The following ATP2C2 variants were observed in gnomAD, a reference collection of about 807,000 sequenced individuals.
ATP2C2 encodes calcium-transporting ATPase type 2C member 2.
ATP2C2 carries 171 observed loss-of-function variants against 110.8 expected under a neutral mutation model. That is an observed-to-expected ratio of 1.54 (90% CI 1.36 to 1.75). The LOEUF (loss-of-function observed/expected upper bound fraction) is 1.75. Ranked by LOEUF, ATP2C2 falls within the 40% of genes most tolerant of loss-of-function variation. The probability of loss-of-function intolerance (pLI) is 0.00; values close to 1 mark genes in which losing one functional copy is unlikely to be tolerated. For synonymous variants in ATP2C2, 804 were observed against 508.4 expected (o/e 1.58, Z -7.82); for missense variants, 1,963 against 1,235.0 (o/e 1.59, Z -8.84).
At position 84,415,489 on chromosome 16, in the gene ATP2C2, A is replaced by G. The variant is rs917031907; in HGVS notation, c.522A>G (p.Arg174=). 3 of 1,614,036 alleles carry G rather than the reference A, an allele frequency of 1.9e-6. No homozygotes were observed. The highest frequency in any genetic ancestry group is 3.3e-5 in the Admixed American group (2 of 60,000). ...KLVPPECNCL[R]EGKLQHLLAR... The stretch of plus-strand genomic sequence containing the variant: ...TTTACCATGTCAAATGCAGCCTAAG[A>G]GAAGGAAAACTCCAGCACCTGCTTG... The change falls in exon 7 of 27, where the codon AGA becomes AGG. Residue 174 remains arginine (R), a synonymous_variant. Coordinates refer to ENST00000262429, the MANE Select transcript of ATP2C2 (RefSeq NM_014861.4).
chr16:84,404,987 C>A (rs1457443586), intron 2 of ATP2C2, 141 bp from the exon 3 acceptor site: 1 of 781,070 alleles, frequency 1.3e-6, no homozygotes, highest in Admixed American at 1.8e-5. Flanking sequence ...GGTCTTTGAA[C>A]AAGTCCCAGC....
intron 2 of ATP2C2, among the ~76,000 whole-genome samples, chr16:84,403,986 C>A (rs1905530773): frequency 6.6e-6 from 1 of 152,322 alleles, no homozygotes; most frequent in Admixed American, 6.5e-5. Flanking sequence ...CCACCAAGCC[C>A]TACCAGTTTA....
intron 1 of ATP2C2, among the ~76,000 whole-genome samples, chr16:84,377,276 G>A (rs1193545922): frequency 2.0e-5 from 3 of 152,148 alleles, no homozygotes; most frequent in African/African-American, 4.8e-5. Flanking sequence ...TATGGTAAGC[G>A]GGAGCTGGTG....
At chr16:84,451,327 T>A (rs753531399) in intron 17 of ATP2C2, among the ~76,000 whole-genome samples, 5 of 152,130 alleles carry the variant, frequency 3.3e-5, no homozygotes, top group Non-Finnish European at 7.4e-5. Flanking sequence ...GGAGCTACAG[T>A]TCAAGATGAG....
chr16:84,448,459 G>A, intron 16 of ATP2C2, 74 bp from the exon 17 acceptor site: 1 of 1,500,760 alleles, frequency 6.7e-7, no homozygotes, highest in Non-Finnish European at 9.0e-7. Context: ...GTAACCTTGT[G>A]CAGAGTGGGG....
intron 6 of ATP2C2, among the ~76,000 whole-genome samples, chr16:84,415,097 C>T (rs1906714930): frequency 6.6e-6 from 1 of 152,100 alleles, no homozygotes; most frequent in Admixed American, 6.5e-5. Flanking sequence ...AAGGCTCTGC[C>T]ATCCCTGACT....
At chr16:84,459,080 C>T (rs1910979301) in intron 21 of ATP2C2, 40 bp from the exon 22 acceptor site, 7 of 1,607,614 alleles carry the variant, frequency 4.4e-6, no homozygotes, top group Non-Finnish European at 6.0e-6. Context: ...AGCCCTCACG[C>T]AGGCCCGCTC....
intron 1 of ATP2C2, among the ~76,000 whole-genome samples, chr16:84,379,085 T>C (rs1449515903): frequency 1.3e-5 from 2 of 151,914 alleles, no homozygotes; most frequent in Non-Finnish European, 2.9e-5. Flanking sequence ...ACCCAGGAAT[T>C]ACGCCCAGCA....
chr16:84,415,156 A>C (rs1906719446), intron 6 of ATP2C2, among the ~76,000 whole-genome samples: 2 of 151,472 alleles, frequency 1.3e-5, no homozygotes, highest in South Asian at 4.2e-4. Flanking sequence ...TGAGGACAAA[A>C]CTCTGCCGGC....
chr16:84,460,415 G>A (rs1195736690), intron 23 of ATP2C2: 4 of 597,898 alleles, frequency 6.7e-6, no homozygotes, highest in South Asian at 3.8e-5. Context: ...TGGCCTTACG[G>A]GGTGGTCTTC....
chr16:84,426,291 C>G (rs1027370767), intron 11 of ATP2C2, among the ~76,000 whole-genome samples: 3 of 152,106 alleles, frequency 2.0e-5, no homozygotes, highest in Non-Finnish European at 4.4e-5. Context: ...CTCTCAGGAA[C>G]TCACTCCAGC....
intron 7 of ATP2C2, among the ~76,000 whole-genome samples, chr16:84,421,733 G>C (rs1053396809): frequency 7.2e-5 from 11 of 152,288 alleles, no homozygotes; most frequent in Admixed American, 2.0e-4. Context: ...CCACTAACTA[G>C]CTACGGAAAC....
chr16:84,405,917 C>G (rs999809626), intron 3 of ATP2C2, among the ~76,000 whole-genome samples: 2 of 152,152 alleles, frequency 1.3e-5, no homozygotes, highest in African/African-American at 4.8e-5. Flanking sequence ...GAGACCTTGT[C>G]TCCACAACAA....
At chr16:84,396,668 C>T (rs1306252947) in intron 1 of ATP2C2, among the ~76,000 whole-genome samples, 1 of 151,658 alleles carries the variant, frequency 6.6e-6, no homozygotes, top group East Asian at 1.9e-4. Context: ...CTGCCTCCAC[C>T]TGTGGTGTGC....
At chr16:84,389,741 G>A (rs1440256444) in intron 1 of ATP2C2, among the ~76,000 whole-genome samples, 16 of 120,716 alleles carry the variant, frequency 1.3e-4, no homozygotes. Context: ...TTTTTTTTGA[G>A]ATGGAGTTTA....
chr16:84,399,661 T>G (rs1375111844), intron 2 of ATP2C2, among the ~76,000 whole-genome samples: 2 of 152,154 alleles, frequency 1.3e-5, no homozygotes, highest in Non-Finnish European at 2.9e-5. Flanking sequence ...TAGGTGCATA[T>G]TTATGGGTTC....
At position 84,442,544 on chromosome 16, in the gene ATP2C2, A is replaced by G. The variant is rs201858986; in HGVS notation, c.1346A>G (p.Lys449Arg). ...GTTGCCAACAATGCGGTCATCAGAA[A>G]GAACGCCGTGATGGGGCAGCCCACC... The part of the protein sequence containing the change: ...GCVANNAVIR[K>R]NAVMGQPTEG... Residue 449 changes from lysine (K) to arginine (R), a missense_variant, in exon 15 of 27, where the codon AAG becomes AGG. Physicochemically the swap from Lys to Arg is conservative, Grantham distance 26. Coordinates refer to ENST00000262429, the MANE Select transcript of ATP2C2 (RefSeq NM_014861.4). The G allele has an allele frequency of 1.2e-4, 187 of 1,614,136 alleles. No individual in the cohort carries two copies. Among genetic ancestry groups the G allele is most frequent in the African/African-American group, 1.1e-3 (81 of 75,044 alleles).
At chr16:84,417,594 T>C (rs1906953319) in intron 7 of ATP2C2, among the ~76,000 whole-genome samples, 1 of 152,226 alleles carries the variant, frequency 6.6e-6, no homozygotes, top group Non-Finnish European at 1.5e-5. Context: ...GCCCTGCTTA[T>C]GTTAAATTAA....
chr16:84,434,094 A>AT (rs1232909669), intron 11 of ATP2C2, among the ~76,000 whole-genome samples: 4 of 152,094 alleles, frequency 2.6e-5, no homozygotes, highest in Non-Finnish European at 5.9e-5. Context: ...TGAGAGAATC[A>AT]TTTTTTTAAA....
Sources: gnomAD v4.1 joint callset for allele counts (sites outside exome capture counted in the v4.1 genomes callset) on GRCh38, gnomAD v4.1.1 for gene constraint, MANE v1.5 for transcripts, NCBI Gene and HGNC (gene_info 2026-07-23, HGNC 2026-07-21) for gene names.